LCA5: variants seen among roughly 807,000 people sequenced by gnomAD.
LCA5 encodes the protein lebercilin.
In LCA5, 37 loss-of-function variants were observed where a neutral mutation model predicts 53.0. The observed-to-expected ratio is 0.70, with a 90% CI of 0.54 to 0.92. The LOEUF is 0.92. Among genes scored for constraint, LCA5 ranks in the 40% least tolerant of loss-of-function variants. The pLI, the probability that LCA5 is intolerant of heterozygous loss-of-function variation, is 0.00. For missense variants in LCA5, 806 were observed against 790.5 expected (o/e 1.02, Z -0.23); for synonymous variants, 303 against 282.9 (o/e 1.07, Z -0.71).
chr6:79,488,854 TCCCTAA>T (rs1769752099), intron 7 of LCA5: 1 of 559,268 alleles, frequency 1.8e-6, no homozygotes, highest in Non-Finnish European at 3.1e-6. Context: ...TTGTCCTTAT[TCCCTAA>T]CCCTAAATAG....
At chr6:79,526,674 G>A (rs1000776817) in intron 1 of LCA5, among the ~76,000 whole-genome samples, 2 of 152,132 alleles carry the variant, frequency 1.3e-5, no homozygotes, top group African/African-American at 4.8e-5. Context: ...CAAATTAAAT[G>A]GAATTATCCA....
chr6:79,515,990 T>C (rs886247995), intron 2 of LCA5, among the ~76,000 whole-genome samples: 32 of 152,160 alleles, frequency 2.1e-4, no homozygotes, highest in African/African-American at 7.2e-4. Flanking sequence ...AACTGGGATA[T>C]GCTATAATTG....
At chr6:79,521,549 T>C (rs1034436055) in intron 1 of LCA5, among the ~76,000 whole-genome samples, 6 of 152,204 alleles carry the variant, frequency 3.9e-5, no homozygotes, top group Non-Finnish European at 8.8e-5. Flanking sequence ...GCACTAGAAT[T>C]TTCAACATGG....
chr6:79,534,543 A>C (rs1267246567), intron 1 of LCA5, among the ~76,000 whole-genome samples: 1 of 152,134 alleles, frequency 6.6e-6, no homozygotes, highest in Non-Finnish European at 1.5e-5. Context: ...AGTAATTCCC[A>C]ACCAAGAGGA....
chr6:79,512,163 TA>T (rs1215169791), intron 3 of LCA5, among the ~76,000 whole-genome samples: 2 of 152,186 alleles, frequency 1.3e-5, no homozygotes, highest in East Asian at 3.8e-4. Context: ...TTGTTTACGG[TA>T]ACTGTTCTGA....
At chr6:79,518,556 T>G (rs1048811791) in intron 2 of LCA5, 149 bp downstream of exon 2, 34 of 680,486 alleles carry the variant, frequency 5.0e-5, no homozygotes, top group Non-Finnish European at 8.0e-5. Context: ...TATATACTTA[T>G]AAGTATATAA....
intron 3 of LCA5, among the ~76,000 whole-genome samples, chr6:79,494,536 A>G (rs1189900435): frequency 2.6e-5 from 4 of 152,034 alleles, no homozygotes; most frequent in Admixed American, 1.3e-4. Flanking sequence ...AATGTTTATT[A>G]TAAGTATAAA....
At chr6:79,501,986 G>A (rs1263253710) in intron 3 of LCA5, among the ~76,000 whole-genome samples, 1 of 151,966 alleles carries the variant, frequency 6.6e-6, no homozygotes, top group East Asian at 1.9e-4. Context: ...ATCCTAAGCA[G>A]GGCAGTGGGG....
intron 2 of LCA5, among the ~76,000 whole-genome samples, chr6:79,515,044 A>C (rs1479417430): frequency 6.6e-6 from 1 of 152,166 alleles, no homozygotes; most frequent in African/African-American, 2.4e-5. Context: ...GAAAGAAAAA[A>C]GAAAATGTAT....
At chr6:79,491,554 C>A (rs371009040) in intron 6 of LCA5, 34 bp downstream of exon 6, 90 of 1,609,308 alleles carry the variant, frequency 5.6e-5, no homozygotes, top group Non-Finnish European at 7.1e-5. Flanking sequence ...AACTTCAGAC[C>A]GAGTTTGGTA....
At chr6:79,535,906 G>A (rs1767102770) in intron 1 of LCA5, among the ~76,000 whole-genome samples, 1 of 152,190 alleles carries the variant, frequency 6.6e-6, no homozygotes, top group Non-Finnish European at 1.5e-5. Flanking sequence ...GTTGAAGAAT[G>A]ACAGGCAGAT....
chr6:79,499,062 G>A (rs561674993), intron 3 of LCA5, among the ~76,000 whole-genome samples: 4 of 152,158 alleles, frequency 2.6e-5, no homozygotes, highest in African/African-American at 9.6e-5. Flanking sequence ...AAGAAGCAAA[G>A]AACGAGAGTA....
intron 3 of LCA5, among the ~76,000 whole-genome samples, chr6:79,504,850 CATG>C (rs1225558260): frequency 6.6e-6 from 1 of 151,818 alleles, no homozygotes; most frequent in Non-Finnish European, 1.5e-5. Context: ...ATGTATATAA[CATG>C]ATAATATGTA....
At chr6:79,511,096 C>A (rs1582637667) in intron 3 of LCA5, among the ~76,000 whole-genome samples, 1 of 151,696 alleles carries the variant, frequency 6.6e-6, no homozygotes, top group African/African-American at 2.4e-5. Flanking sequence ...TCTTACAACA[C>A]CAAACATACA....
intron 3 of LCA5, among the ~76,000 whole-genome samples, chr6:79,511,863 C>T (rs992213524): frequency 6.6e-6 from 1 of 152,118 alleles, no homozygotes; most frequent in African/African-American, 2.4e-5. Flanking sequence ...TTTACCTCCA[C>T]GTATAACTCA....
intron 3 of LCA5, among the ~76,000 whole-genome samples, chr6:79,499,997 T>A (rs1490020230): frequency 6.6e-6 from 1 of 151,590 alleles, no homozygotes; most frequent in Non-Finnish European, 1.5e-5. Flanking sequence ...ATTTCCAATT[T>A]CATCCATGTC....
At chr6:79,502,465 C>T (rs1770166969) in intron 3 of LCA5, among the ~76,000 whole-genome samples, 1 of 152,082 alleles carries the variant, frequency 6.6e-6, no homozygotes, top group Non-Finnish European at 1.5e-5. Flanking sequence ...CCTTTCCTTA[C>T]CCTGAGCTTT....
At chr6:79,513,071 A>C in intron 3 of LCA5, 141 bp downstream of exon 3, 1 of 800,836 alleles carries the variant, frequency 1.2e-6, no homozygotes, top group South Asian at 1.5e-5. Flanking sequence ...TATAAAATCC[A>C]AATTTTCCCA....
intron 1 of LCA5, among the ~76,000 whole-genome samples, chr6:79,519,716 A>G (rs1401668281): frequency 7.4e-6 from 1 of 134,534 alleles, no homozygotes; most frequent in Non-Finnish European, 1.6e-5. Flanking sequence ...ACTCCATCTC[A>G]AAAAAAAAAA....
Sources: gnomAD v4.1 joint callset for allele counts (sites outside exome capture counted in the v4.1 genomes callset) on GRCh38, gnomAD v4.1.1 for gene constraint, MANE v1.5 for transcripts, NCBI Gene and HGNC (gene_info 2026-07-23, HGNC 2026-07-21) for gene names.